Variants in VWCE observed in about 807,000 individuals in gnomAD.
The protein encoded by VWCE is von Willebrand factor C and EGF domain-containing protein.
Under a neutral mutation model 102.9 loss-of-function variants are expected in VWCE, and 68 were observed. That is an observed-to-expected ratio of 0.66 (90% CI 0.54 to 0.81). The LOEUF (loss-of-function observed/expected upper bound fraction) is 0.81, where lower values mean the gene tolerates loss of function less well. Among genes scored for constraint, VWCE ranks in the 30% least tolerant of loss-of-function variants. The pLI, the probability that VWCE is intolerant of heterozygous loss-of-function variation, is 0.00. For missense variants in VWCE, 1,137 were observed against 1,263.6 expected (o/e 0.90, Z 1.52); for synonymous variants, 497 against 515.4 (o/e 0.96, Z 0.48).
At chr11:61,293,514 G>A (rs1271220600) in intron 1 of VWCE, among the ~76,000 whole-genome samples, 2 of 152,062 alleles carry the variant, frequency 1.3e-5, no homozygotes, top group East Asian at 1.9e-4. Context: ...CCTGGAGGGG[G>A]ACAGAGAGGA....
chr11:61,261,502 G>A (rs1854358488), intron 19 of VWCE, among the ~76,000 whole-genome samples: 1 of 151,996 alleles, frequency 6.6e-6, no homozygotes, highest in African/African-American at 2.4e-5. Context: ...CAACAGTTTG[G>A]GAGGCCAAGG....
intron 10 of VWCE, among the ~76,000 whole-genome samples, chr11:61,277,117 A>G (rs1450352112): frequency 1.4e-5 from 2 of 140,254 alleles, no homozygotes; most frequent in Non-Finnish European, 3.1e-5. Flanking sequence ...TGAGAGAGAA[A>G]GAAAGAGAGA....
At chr11:61,282,968 C>A in intron 5 of VWCE, 63 bp from the exon 6 acceptor site, 1 of 1,390,848 alleles carries the variant, frequency 7.2e-7, no homozygotes, top group Non-Finnish European at 1.0e-6. Flanking sequence ...AATATATGGT[C>A]CCCTCTTCCT....
At chr11:61,292,701 CA>C (rs1855542958) in intron 1 of VWCE, among the ~76,000 whole-genome samples, 1 of 152,148 alleles carries the variant, frequency 6.6e-6, no homozygotes, top group Non-Finnish European at 1.5e-5. Context: ...CAGCCATAAA[CA>C]AACTACTGCC....
At position 61,276,620 on chromosome 11, in the gene VWCE, G is replaced by C; in HGVS notation, c.1468C>G (p.Gln490Glu). 6.2e-7 allele frequency: 1 copy of C among 1,605,530 alleles called. No homozygotes were observed. The highest frequency in any genetic ancestry group is 1.3e-5 in the African/African-American group (1 of 74,246). The change falls in exon 11 of 20, where the codon CAG becomes GAG. Residue 490 changes from glutamine (Q) to glutamate (E), a missense_variant. Transcript: ENST00000335613. ...CPSGPCQTPPQTDCCTCVPVR... is the reference protein window; with the variant it reads ...CPSGPCQTPPETDCCTCVPVR... ...GGAACACAAGTACAGCAATCCGTCT[G>C]TGGGGGGGTCTGACAGGGGCCAGAA...
At chr11:61,266,215 AT>A (rs1854510098) in intron 16 of VWCE, among the ~76,000 whole-genome samples, 1 of 152,084 alleles carries the variant, frequency 6.6e-6, no homozygotes, top group South Asian at 2.1e-4. Flanking sequence ...TTTATGTAAA[AT>A]TTTTTAGCTA....
At chr11:61,276,923 AGAG>A (rs1351653794) in intron 10 of VWCE, among the ~76,000 whole-genome samples, 2 of 104,342 alleles carry the variant, frequency 1.9e-5, no homozygotes, top group Non-Finnish European at 1.9e-5. Flanking sequence ...AGGGAGGAGG[AGAG>A]GAGAGGAGAA....
chr11:61,284,320 C>A (rs1395480314), intron 5 of VWCE, among the ~76,000 whole-genome samples: 1 of 152,216 alleles, frequency 6.6e-6, no homozygotes, highest in Non-Finnish European at 1.5e-5. Context: ...ATAATACCAA[C>A]TTCACTGGGT....
rs1202634865 is a variant in VWCE, at chr11:61,291,308, T to C, written c.251A>G (p.Asn84Ser). 4 of 1,610,860 alleles carry C rather than the reference T, an allele frequency of 2.5e-6. No individual in the cohort carries two copies. Among genetic ancestry groups the C allele is most frequent in the Non-Finnish European group, 2.5e-6 (3 of 1,178,270 alleles). ...GCGSGICIAP[N>S]VCSCQDGEQG... The stretch of plus-strand genomic sequence containing the variant: ...CTCTCCATCCTGGCAGGAGCAGACA[T>C]TGGGAGCGATGCAGATGCCACTCCC... Residue 84 changes from asparagine (N) to serine (S), a missense_variant, in exon 3 of 20, where the codon AAT (asparagine) becomes AGT (serine). Physicochemically the swap from Asn to Ser is conservative, Grantham distance 46. Coordinates refer to ENST00000335613, the MANE Select transcript of VWCE (RefSeq NM_152718.2).
chr11:61,286,536 C>T (rs1420421520), intron 4 of VWCE, 106 bp from the exon 5 acceptor site: 2 of 1,040,048 alleles, frequency 1.9e-6, no homozygotes, highest in Non-Finnish European at 2.9e-6. Context: ...GGCATGGTGG[C>T]TCACGCCTGT....
At chr11:61,292,793 G>A (rs1855546500) in intron 1 of VWCE, among the ~76,000 whole-genome samples, 1 of 152,170 alleles carries the variant, frequency 6.6e-6, no homozygotes. Flanking sequence ...GGGACAGACT[G>A]TGGAGCCCTG....
Position 61,280,648 on chromosome 11 carries a change from C to T in VWCE, c.1300G>A (p.Gly434Ser), listed in dbSNP as rs780386184. 3.7e-6 allele frequency: 6 copies of T among 1,614,090 alleles called. No individual in the cohort carries two copies. Among genetic ancestry groups the T allele is most frequent in the Non-Finnish European group, 5.1e-6 (6 of 1,180,024 alleles). ...ACSHPIPSRD[G>S]GCCPSCTGCF... ...CCTGTGCACGATGGGCAGCACCCACCATCTCTGGAGGGAATTGGGTGGGAA... is the reference window on the plus strand; with the variant it reads ...CCTGTGCACGATGGGCAGCACCCACTATCTCTGGAGGGAATTGGGTGGGAA... The change falls in exon 9 of 20, where the codon GGT (glycine) becomes AGT (serine). Residue 434 changes from glycine to serine, a missense_variant. Physicochemically the swap from Gly to Ser is moderately conservative, Grantham distance 56 (BLOSUM62 0). This residue lies in a region of VWCE where 575 missense variants were observed against 625.9 expected (regional missense o/e 0.92). Transcript: ENST00000335613.
intron 14 of VWCE, among the ~76,000 whole-genome samples, chr11:61,269,720 A>T (rs1854618630): frequency 6.6e-6 from 1 of 152,100 alleles, no homozygotes; most frequent in Non-Finnish European, 1.5e-5. Context: ...TGCTGGGATT[A>T]CAGGTGTGAG....
Position 61,291,343 on chromosome 11 carries a change from G to A in VWCE, c.216C>T (p.Ser72=). ...GGGHCTLPLC[S]FGCGSGICIA... ...TGCAGATGCCACTCCCACAGCCGAA[G>A]GAGCAGAGGGCTGAGAGGAGAAGTG... Residue 72 remains serine, a synonymous_variant, in exon 3 of 20, where the codon TCC becomes TCT. Coordinates refer to ENST00000335613, the MANE Select transcript of VWCE (RefSeq NM_152718.2). The A allele has an allele frequency of 6.2e-7, 1 of 1,613,108 alleles. No homozygotes were observed. The highest frequency in any genetic ancestry group is 8.5e-7 in the Non-Finnish European group (1 of 1,179,564).
At chr11:61,268,139 T>A (rs1276523370) in intron 15 of VWCE, among the ~76,000 whole-genome samples, 1 of 151,014 alleles carries the variant, frequency 6.6e-6, no homozygotes, top group Non-Finnish European at 1.5e-5. Context: ...ATAATGTACA[T>A]CTACTAAATG....
At position 61,294,530 on chromosome 11, in the gene VWCE, C is replaced by T. The variant is rs1855612161; in HGVS notation, c.110+398G>A. 1.3e-5 allele frequency among the ~76,000 whole-genome samples: 2 copies of T among 152,194 alleles called. No homozygotes were observed. The highest frequency in any genetic ancestry group is 2.9e-5 in the Non-Finnish European group (2 of 68,026). On this transcript the variant is annotated intron_variant, in intron 1 of 19. Transcript: ENST00000335613. This position sits in a 1 kb window ranked among gnomAD's most constrained non-coding sequence, Gnocchi z 6.3. ...TCGTAGGGCCAAGACCCAGGGAAAG[C>T]CCCGCGCGGCAGGGGAGGCCAGGCG...
At chr11:61,278,535 A>T in intron 9 of VWCE, 59 bp from the exon 10 acceptor site, 1 of 1,511,690 alleles carries the variant, frequency 6.6e-7, no homozygotes, top group South Asian at 1.1e-5. Context: ...AGGAAACTTG[A>T]GGTCTCGCTG....
At position 61,294,921 on chromosome 11, in the gene VWCE, C is replaced by A; in HGVS notation, c.110+7G>T. 2.8e-6 allele frequency: 4 copies of A among 1,404,464 alleles called. No homozygotes were observed. The highest frequency in any genetic ancestry group is 2.7e-5 in the Admixed American group (1 of 37,708). 87.0% of individuals were successfully genotyped at this position (1,404,464 alleles called of 1,614,324 possible). On this transcript the variant is annotated splice_region_variant and intron_variant, in intron 1 of 19. Transcript: ENST00000335613. The surrounding 1 kb of genome is among the most constrained non-coding windows in gnomAD (Gnocchi z 6.3). ...CGGGGGAGCGGGGAGGAGCTCCGGGCGCTTACCTCTCGGCCGCGAAGTGCC... is the reference window on the plus strand; with the variant it reads ...CGGGGGAGCGGGGAGGAGCTCCGGGAGCTTACCTCTCGGCCGCGAAGTGCC...
At chr11:61,275,455 G>A (rs917430586) in intron 11 of VWCE, among the ~76,000 whole-genome samples, 1 of 151,604 alleles carries the variant, frequency 6.6e-6, no homozygotes, top group African/African-American at 2.4e-5. Flanking sequence ...CTATCTCACA[G>A]AGACTACACT....
Sources: gnomAD v4.1 joint callset for allele counts (sites outside exome capture counted in the v4.1 genomes callset) on GRCh38, gnomAD v4.1.1 for gene constraint, gnomAD v4.1.1 regional missense constraint, Gnocchi (gnomAD v3.1) non-coding constraint, MANE v1.5 for transcripts, NCBI Gene and HGNC (gene_info 2026-07-23, HGNC 2026-07-21) for gene names.